Variants in LRRTM4 observed in about 807,000 individuals in gnomAD.
LRRTM4 encodes the protein leucine-rich repeat transmembrane neuronal protein 4.
Under a neutral mutation model 47.6 loss-of-function variants are expected in LRRTM4, and 25 were observed. The observed-to-expected ratio is 0.53, with a 90% CI of 0.38 to 0.73. LRRTM4 has a LOEUF of 0.73. Ranked by LOEUF, LRRTM4 falls within the 30% of genes least tolerant of loss-of-function variation. The pLI is 0.00. For missense variants in LRRTM4, 638 were observed against 713.4 expected (o/e 0.89, Z 1.20); for synonymous variants, 311 against 269.5 (o/e 1.15, Z -1.51).
intron 3 of LRRTM4, among the ~76,000 whole-genome samples, chr2:77,397,117 G>C (rs17014058): frequency 0.033 from 4,987 of 151,912 alleles, 277 homozygotes; most frequent in African/African-American, 0.11. Flanking sequence ...GTGTTTCTCA[G>C]ATTTCTTTTT....
chr2:77,288,829 T>C (rs1420050797), intron 3 of LRRTM4, among the ~76,000 whole-genome samples: 1 of 152,048 alleles, frequency 6.6e-6, no homozygotes, highest in Non-Finnish European at 1.5e-5. Context: ...ACTTTTGCCA[T>C]GTTTCTCCAC....
At chr2:77,411,723 G>A (rs6745399) in intron 3 of LRRTM4, among the ~76,000 whole-genome samples, 2,327 of 145,276 alleles carry the variant, frequency 0.016, 74 homozygotes, top group African/African-American at 0.056. Flanking sequence ...GCCTGCCTCA[G>A]CCTCCCAAAG....
chr2:77,260,983 T>G (rs1675904692), intron 3 of LRRTM4, among the ~76,000 whole-genome samples: 1 of 149,606 alleles, frequency 6.7e-6, no homozygotes, highest in Admixed American at 6.6e-5. Flanking sequence ...CCATATTTCC[T>G]ATTTTTTTCA....
intron 3 of LRRTM4, among the ~76,000 whole-genome samples, chr2:77,516,379 A>G (rs1280521923): frequency 6.6e-6 from 1 of 151,782 alleles, no homozygotes; most frequent in Non-Finnish European, 1.5e-5. Context: ...GAAATTTAAG[A>G]TCTCTGGAAA....
At chr2:77,167,080 A>T (rs1048145738) in intron 3 of LRRTM4, among the ~76,000 whole-genome samples, 3 of 152,214 alleles carry the variant, frequency 2.0e-5, no homozygotes, top group Non-Finnish European at 4.4e-5. Context: ...TAATACCCAG[A>T]ACCTACAAAA....
chr2:77,092,675 T>C (rs1670686678), intron 3 of LRRTM4, among the ~76,000 whole-genome samples: 1 of 144,308 alleles, frequency 6.9e-6, no homozygotes, highest in African/African-American at 2.8e-5. Context: ...ACTGGATAGG[T>C]ACAGGCCTTT....
chr2:77,003,606 C>T (rs1041913010), intron 3 of LRRTM4, among the ~76,000 whole-genome samples: 2 of 152,132 alleles, frequency 1.3e-5, no homozygotes, highest in East Asian at 3.9e-4. Flanking sequence ...GCCTTTCTTG[C>T]CATGTAGAAT....
At chr2:77,136,364 C>A (rs1671941960) in intron 3 of LRRTM4, among the ~76,000 whole-genome samples, 2 of 152,178 alleles carry the variant, frequency 1.3e-5, no homozygotes, top group African/African-American at 4.8e-5. Context: ...CCCAGGCAAA[C>A]AGGGTCTGGA....
chr2:76,988,378 T>C (rs930755115), intron 3 of LRRTM4, among the ~76,000 whole-genome samples: 3 of 151,826 alleles, frequency 2.0e-5, no homozygotes, highest in Non-Finnish European at 2.9e-5. Context: ...AATCGGGGCA[T>C]TGAGGTGGCT....
intron 3 of LRRTM4, among the ~76,000 whole-genome samples, chr2:76,772,433 G>T (rs1189798635): frequency 6.6e-6 from 1 of 152,130 alleles, no homozygotes; most frequent in East Asian, 1.9e-4. Context: ...AGGAAACTGA[G>T]CAATGTCTAA....
At chr2:77,369,811 A>T (rs1672596327) in intron 3 of LRRTM4, among the ~76,000 whole-genome samples, 1 of 151,758 alleles carries the variant, frequency 6.6e-6, no homozygotes, top group Admixed American at 6.6e-5. Context: ...TGAATACTGT[A>T]GGCAATAGTA....
At chr2:77,050,128 C>CTTTTTTT (rs745419725) in intron 3 of LRRTM4, among the ~76,000 whole-genome samples, 5 of 112,694 alleles carry the variant, frequency 4.4e-5, no homozygotes, top group African/African-American at 1.8e-4. Flanking sequence ...AGAACCAAGT[C>CTTTTTTT]TTTTTTTTTT....
At position 77,145,940 on chromosome 2, in the gene LRRTM4, T is replaced by C. The variant is rs1672250947; in HGVS notation, c.1551+372378A>G. On this transcript the variant is annotated intron_variant, in intron 3 of 3. Transcript: ENST00000409884. ...CGAAAAAAAATTTAAGATCAAAATT[T>C]GTCAAATTCCATCACTGTAACAGCT... 1.3e-5 allele frequency among the ~76,000 whole-genome samples: 2 copies of C among 152,158 alleles called. 1 individual carries two copies. Among genetic ancestry groups the C allele is most frequent in the Admixed American group, 1.3e-4 (2 of 15,270 alleles).
chr2:76,780,570 A>G (rs1336110675), intron 3 of LRRTM4, among the ~76,000 whole-genome samples: 1 of 151,954 alleles, frequency 6.6e-6, no homozygotes, highest in South Asian at 2.1e-4. Flanking sequence ...AGGCTTCTGC[A>G]TTCTTCACGT....
intron 3 of LRRTM4, among the ~76,000 whole-genome samples, chr2:76,930,001 C>T (rs1307993144): frequency 1.3e-5 from 2 of 150,392 alleles, no homozygotes; most frequent in East Asian, 3.9e-4. Context: ...GAGTGAAATC[C>T]AGTTTGAGTT....
intron 3 of LRRTM4, among the ~76,000 whole-genome samples, chr2:77,190,188 A>G (rs889009885): frequency 1.3e-5 from 2 of 151,770 alleles, no homozygotes; most frequent in African/African-American, 2.4e-5. Flanking sequence ...AAACTTGATT[A>G]TCATTATTAA....
At position 76,962,599 on chromosome 2, in the gene LRRTM4, G is replaced by A. The variant is rs531494264; in HGVS notation, c.1552-213683C>T. On this transcript the variant is annotated intron_variant, in intron 3 of 3. Transcript: ENST00000409884. ...TACTACTTCACCATTTAAAACCCAC[G>A]TATGTATTTATTTTTAAAATAAAAA... 4.3e-4 allele frequency among the ~76,000 whole-genome samples: 65 copies of A among 150,022 alleles called. 1 individual carries two copies. Among genetic ancestry groups the A allele is most frequent in the African/African-American group, 1.5e-3 (60 of 41,128 alleles).
chr2:77,007,299 A>G (rs1677692858), intron 3 of LRRTM4, among the ~76,000 whole-genome samples: 1 of 152,144 alleles, frequency 6.6e-6, no homozygotes, highest in Admixed American at 6.6e-5. Flanking sequence ...AGCAATCATC[A>G]AGGCTTCCTT....
chr2:76,851,363 A>C (rs1171052522), intron 3 of LRRTM4, among the ~76,000 whole-genome samples: 1 of 152,150 alleles, frequency 6.6e-6, no homozygotes, highest in African/African-American at 2.4e-5. Context: ...ATCTGTAGCT[A>C]ATGTACTGAA....
Sources: gnomAD v4.1 joint callset for allele counts (sites outside exome capture counted in the v4.1 genomes callset) on GRCh38, gnomAD v4.1.1 for gene constraint, MANE v1.5 for transcripts, NCBI Gene and HGNC (gene_info 2026-07-23, HGNC 2026-07-21) for gene names.